Variants in RDX observed in about 807,000 individuals in gnomAD.
The protein encoded by RDX is radixin.
In RDX, 32 loss-of-function variants were observed where a neutral mutation model predicts 83.7. The observed-to-expected ratio is 0.38, with a 90% CI of 0.29 to 0.51. The LOEUF (loss-of-function observed/expected upper bound fraction) is 0.51. Ranked by LOEUF, RDX falls within the 20% of genes least tolerant of loss-of-function variation. RDX has a pLI of 0.87. For missense variants in RDX, 600 were observed against 689.9 expected, an observed-to-expected ratio of 0.87 and a Z score of 1.46; for synonymous variants, 229 against 222.7, an observed-to-expected ratio of 1.03 and a Z score of -0.25.
intron 1 of RDX, among the ~76,000 whole-genome samples, chr11:110,287,564 A>G (rs1261252000): frequency 6.6e-6 from 1 of 152,226 alleles, no homozygotes; most frequent in Non-Finnish European, 1.5e-5. Context: ...GGCAATAATA[A>G]TGCACTTTTA....
At chr11:110,267,851 G>C (rs2134391730) in intron 3 of RDX, among the ~76,000 whole-genome samples, 1 of 151,672 alleles carries the variant, frequency 6.6e-6, no homozygotes, top group East Asian at 1.9e-4. Flanking sequence ...CTAATCAGGA[G>C]GCTGAAGTGG....
At chr11:110,186,254 G>A (rs1219522918) in intron 15 of RDX, among the ~76,000 whole-genome samples, 5 of 152,130 alleles carry the variant, frequency 3.3e-5, no homozygotes, top group Non-Finnish European at 7.3e-5. Flanking sequence ...AACACACACT[G>A]CAGTCTTTCT....
downstream of RDX, among the ~76,000 whole-genome samples, chr11:110,225,675 A>G (rs191327052): frequency 1.3e-5 from 2 of 152,296 alleles, no homozygotes; most frequent in Admixed American, 6.5e-5. Context: ...GATGTGGCAA[A>G]ATTAGAACCT....
chr11:110,201,382 G>A (rs1172968518), intron 14 of RDX, among the ~76,000 whole-genome samples: 1 of 152,030 alleles, frequency 6.6e-6, no homozygotes. Context: ...TGAGAAAGGA[G>A]GATTTGGGAG....
intron 1 of RDX, among the ~76,000 whole-genome samples, chr11:110,292,080 G>A (rs1022731882): frequency 3.9e-5 from 6 of 152,158 alleles, no homozygotes; most frequent in African/African-American, 1.2e-4. Context: ...ATCACTTGAG[G>A]TCAGGAGTTT....
chr11:110,217,281 A>G (rs562348750), intron 14 of RDX, among the ~76,000 whole-genome samples: 23 of 152,208 alleles, frequency 1.5e-4, no homozygotes, highest in Non-Finnish European at 2.5e-4. Context: ...GTTAAATATC[A>G]GTAACTGCAC....
At chr11:110,268,344 T>G (rs1342461818) in intron 3 of RDX, among the ~76,000 whole-genome samples, 1 of 147,990 alleles carries the variant, frequency 6.8e-6, no homozygotes, top group African/African-American at 2.5e-5. Flanking sequence ...AAGTGAGAAA[T>G]TTCTAGAAGA....
chr11:110,215,664 T>C (rs1565296026), intron 14 of RDX, among the ~76,000 whole-genome samples: 1 of 152,146 alleles, frequency 6.6e-6, no homozygotes, highest in African/African-American at 2.4e-5. Context: ...ATCAATACAT[T>C]CACTTTGAGT....
intron 12 of RDX, 142 bp downstream of exon 12, chr11:110,235,957 G>A: frequency 1.5e-6 from 1 of 673,592 alleles, no homozygotes; most frequent in Non-Finnish European, 2.6e-6. Flanking sequence ...TATATCTGTA[G>A]ATAGATATTT....
chr11:110,201,907 G>A (rs1231700972), intron 14 of RDX, among the ~76,000 whole-genome samples: 1 of 25,062 alleles, frequency 4.0e-5, no homozygotes, highest in Admixed American at 3.4e-4. Flanking sequence ...CTAATTTTGT[G>A]TGTGTGTGTG....
At chr11:110,240,618 G>A (rs1173797464) in intron 10 of RDX, among the ~76,000 whole-genome samples, 9 of 151,398 alleles carry the variant, frequency 5.9e-5, no homozygotes, top group African/African-American at 1.7e-4. Context: ...GGTAGCGGGC[G>A]CCTGTAGTCC....
intron 15 of RDX, among the ~76,000 whole-genome samples, chr11:110,181,287 T>C (rs1305964585): frequency 6.6e-6 from 1 of 151,908 alleles, no homozygotes; most frequent in Non-Finnish European, 1.5e-5. Context: ...CTCAGCCTCC[T>C]GAGTAGCTGG....
intron 10 of RDX, among the ~76,000 whole-genome samples, chr11:110,246,825 T>G (rs1460769004): frequency 6.6e-6 from 1 of 151,124 alleles, no homozygotes; most frequent in Non-Finnish European, 1.5e-5. Context: ...CATCCCAAAA[T>G]CGGAATATTT....
Position 110,279,672 on chromosome 11 carries a change from T to C in RDX, c.12+9A>G. 1 of 1,518,160 alleles carries C rather than the reference T, an allele frequency of 6.6e-7. No homozygotes were observed. The highest frequency in any genetic ancestry group is 9.1e-7 in the Non-Finnish European group (1 of 1,094,614). The allele number at this position is 1,518,160 out of a possible 1,614,324, so 94.0% of individuals were successfully genotyped here. On this transcript the variant is annotated intron_variant, in intron 2 of 13. Coordinates refer to ENST00000645495, the MANE Select transcript of RDX (RefSeq NM_002906.4). ...TGAGACACTGTCAAATGTAATAAAA[T>C]ACACTTACTGGTTTCGGCATTTTCT...
chr11:110,237,681 GTGAT>G, intron 10 of RDX, 29 bp from the exon 11 acceptor site: 1 of 1,607,154 alleles, frequency 6.2e-7, no homozygotes, highest in Middle Eastern at 1.7e-4. Context: ...CCCCCCAACA[GTGAT>G]TAATTCCAAT....
chr11:110,232,192 G>C (rs1036818671), intron 13 of RDX, among the ~76,000 whole-genome samples, 159 bp from the exon 14 acceptor site: 5 of 152,086 alleles, frequency 3.3e-5, no homozygotes, highest in African/African-American at 1.2e-4. Context: ...TGGTGGCAGT[G>C]GTAAGGGAGG....
chr11:110,205,555 G>A (rs1863572811), intron 14 of RDX, among the ~76,000 whole-genome samples: 1 of 150,734 alleles, frequency 6.6e-6, no homozygotes, highest in East Asian at 1.9e-4. Context: ...GAAATTATCT[G>A]AATTAACTGG....
At chr11:110,177,933 C>T (rs1033254726) in intron 15 of RDX, among the ~76,000 whole-genome samples, 3 of 152,060 alleles carry the variant, frequency 2.0e-5, no homozygotes, top group African/African-American at 4.8e-5. Context: ...CGACACTCCC[C>T]CTCATACCCG....
At chr11:110,232,557 AATT>A (rs766955602) in intron 13 of RDX, among the ~76,000 whole-genome samples, 2 of 57,848 alleles carry the variant, frequency 3.5e-5, no homozygotes, top group Non-Finnish European at 8.4e-5. Flanking sequence ...CTCAACAAAT[AATT>A]AAGATTATGT....
Sources: gnomAD v4.1 joint callset for allele counts (sites outside exome capture counted in the v4.1 genomes callset) on GRCh38, gnomAD v4.1.1 for gene constraint, MANE v1.5 for transcripts, NCBI Gene and HGNC (gene_info 2026-07-23, HGNC 2026-07-21) for gene names.